Variants in USP39 observed in about 807,000 individuals in gnomAD.
USP39 encodes the protein ubiquitin carboxyl-terminal hydrolase 39.
USP39 carries 38 observed loss-of-function variants against 66.4 expected under a neutral mutation model. The observed-to-expected ratio is 0.57, with a 90% CI of 0.44 to 0.75. The LOEUF (loss-of-function observed/expected upper bound fraction) is 0.75, where lower values mean the gene tolerates loss of function less well. Ranked by LOEUF, USP39 falls within the 30% of genes least tolerant of loss-of-function variation. The probability of loss-of-function intolerance (pLI) is 0.00; values close to 1 mark genes in which losing one functional copy is unlikely to be tolerated. For missense variants in USP39, 608 were observed against 714.4 expected (o/e 0.85, Z 1.70); for synonymous variants, 303 against 274.6 (o/e 1.10, Z -1.02).
upstream of USP39, chr2:85,616,119 C>T (rs943948177): frequency 1.6e-5 from 22 of 1,385,618 alleles, no homozygotes; most frequent in Admixed American, 3.3e-5. Context: ...CGCTACCAGC[C>T]CCTCTCCTGA....
At position 85,628,044 on chromosome 2, in the gene USP39, G is replaced by T. The variant is rs111881526; in HGVS notation, c.723+2353G>T. Among the ~76,000 whole-genome samples, 496 of 152,180 alleles carry T rather than the reference G, an allele frequency of 3.3e-3. 4 individuals are homozygous for T. The highest frequency in any genetic ancestry group is 0.012 in the African/African-American group (490 of 41,506). The stretch of plus-strand genomic sequence containing the variant: ...TGTAAAGGCATATTTTTTACATTCA[G>T]TGTCTGCTCTTGGTGTCATGCCTAG... On this transcript the variant is annotated intron_variant, in intron 5 of 12. Transcript: ENST00000323701.
chr2:85,634,127 A>G (rs1034175586), intron 6 of USP39, among the ~76,000 whole-genome samples: 1 of 149,102 alleles, frequency 6.7e-6, no homozygotes, highest in Non-Finnish European at 1.5e-5. Context: ...GTGAGCCACC[A>G]CGCCCGGCCG....
chr2:85,642,274 A>G (rs998918137), intron 10 of USP39, among the ~76,000 whole-genome samples: 1 of 152,228 alleles, frequency 6.6e-6, no homozygotes, highest in Admixed American at 6.5e-5. Context: ...GTTTGTGACT[A>G]GAATTAAATG....
intron 1 of USP39, among the ~76,000 whole-genome samples, chr2:85,604,510 C>T (rs1158727171): frequency 6.6e-6 from 1 of 152,186 alleles, no homozygotes; most frequent in African/African-American, 2.4e-5. Flanking sequence ...CCGTGCCCAG[C>T]GGGAGAGCCC....
intron 4 of USP39, among the ~76,000 whole-genome samples, chr2:85,624,995 A>G (rs571053758): frequency 6.6e-6 from 1 of 151,690 alleles, no homozygotes; most frequent in South Asian, 2.1e-4. Context: ...GTCAGTATTT[A>G]TAGAGGGAAA....
At chr2:85,638,494 G>A (rs1342693521) in intron 8 of USP39, among the ~76,000 whole-genome samples, 1 of 151,602 alleles carries the variant, frequency 6.6e-6, no homozygotes, top group Non-Finnish European at 1.5e-5. Context: ...CCACCACACC[G>A]GGCTAATTTT....
rs188132865 is a variant in USP39, at chr2:85,619,393, T to C, written c.338+104T>C. ...AACACATTGACAAACTTTACTTTTT[T>C]TGAACCTGTCTAGAGAGTTGTGCTT... On this transcript the variant is annotated intron_variant, in intron 2 of 12. Coordinates refer to ENST00000323701, the MANE Select transcript of USP39 (RefSeq NM_006590.4). 25 of 1,212,178 alleles carry C rather than the reference T, an allele frequency of 2.1e-5. No individual in the cohort carries two copies. In the African/African-American group the frequency reaches 3.8e-4, roughly 18 times the overall value. The allele number at this position is 1,212,178 out of a possible 1,614,324, so 75.1% of individuals were successfully genotyped here. A position where few individuals can be genotyped will look rare whatever the true frequency, so the allele number is the denominator to read the frequency against.
At chr2:85,610,366 C>T (rs1673432055), upstream of USP39, 1 of 152,208 alleles carries the variant, frequency 6.6e-6, no homozygotes, top group South Asian at 2.1e-4. Flanking sequence ...ACCTTTGCAT[C>T]CCTGCTCTGA....
At chr2:85,628,514 G>A (rs181439634) in intron 5 of USP39, among the ~76,000 whole-genome samples, 2 of 152,260 alleles carry the variant, frequency 1.3e-5, no homozygotes, top group East Asian at 3.9e-4. Flanking sequence ...TTGGCTTTCT[G>A]ATGAATTTTA....
chr2:85,604,132 T>C (rs1021344736), intron 1 of USP39, among the ~76,000 whole-genome samples: 6 of 152,126 alleles, frequency 3.9e-5, no homozygotes, highest in Admixed American at 6.5e-5. Context: ...TAGAGCAGAA[T>C]AAACTGCACA....
At chr2:85,617,610 G>A (rs1032745027) in intron 1 of USP39, among the ~76,000 whole-genome samples, 5 of 152,170 alleles carry the variant, frequency 3.3e-5, no homozygotes, top group African/African-American at 1.2e-4. Context: ...ATGAGGTAGA[G>A]TTCAAGACTA....
Position 85,623,641 on chromosome 2 carries a change from T to C in USP39, c.434-5T>C, listed in dbSNP as rs200563455. ...TCTATTACAGCTTTTCACCCTTCCC[T>C]ACAGGCCGGGGTTTGAAGTCTCACG... On this transcript the variant is annotated splice_region_variant and splice_polypyrimidine_tract_variant and intron_variant, in intron 3 of 12. Transcript: ENST00000323701. 84 of 1,611,534 alleles carry C rather than the reference T, an allele frequency of 5.2e-5. No individual in the cohort carries two copies. The African/African-American group carries it at 1.0e-3, about 20-fold the overall frequency.
At chr2:85,612,290 C>T, upstream of USP39, 1 of 1,534,860 alleles carries the variant, frequency 6.5e-7, no homozygotes, top group African/African-American at 1.4e-5. Flanking sequence ...ATACCAGAAC[C>T]TTCAGAAAAA....
At chr2:85,647,573 C>T (rs577952500) in intron 11 of USP39, among the ~76,000 whole-genome samples, 28 of 151,104 alleles carry the variant, frequency 1.9e-4, no homozygotes, top group South Asian at 1.3e-3. Flanking sequence ...AGGGGAGGAT[C>T]GCTTGAATCC....
At chr2:85,625,747 A>C in intron 5 of USP39, 56 bp downstream of exon 5, 5 of 1,587,054 alleles carry the variant, frequency 3.2e-6, no homozygotes, top group Non-Finnish European at 4.3e-6. Context: ...GGCTGAGCAC[A>C]GTGGCTCACC....
chr2:85,608,990 C>G (rs778006796), upstream of USP39: 1 of 1,614,260 alleles, frequency 6.2e-7, no homozygotes, highest in Non-Finnish European at 8.5e-7. Context: ...GGATACGCAA[C>G]TTGAGGGCTT....
At chr2:85,632,402 G>A (rs572015749) in intron 6 of USP39, among the ~76,000 whole-genome samples, 23 of 152,130 alleles carry the variant, frequency 1.5e-4, no homozygotes, top group South Asian at 8.3e-4. Context: ...GCTGGGGAAC[G>A]GAGGAAGACC....
chr2:85,648,615 C>G (rs981042931), intron 12 of USP39, 146 bp from the exon 13 acceptor site: 10 of 895,738 alleles, frequency 1.1e-5, no homozygotes, highest in Non-Finnish European at 1.8e-5. Flanking sequence ...GTGGCTGTAG[C>G]CACTGTAGCA....
chr2:85,611,150 G>A (rs1673493594), upstream of USP39: 1 of 664,484 alleles, frequency 1.5e-6, no homozygotes, highest in Non-Finnish European at 2.0e-6. Flanking sequence ...TAAGGCTGCA[G>A]TAAGCCCAGA....
Sources: allele counts gnomAD v4.1 joint callset (sites outside exome capture counted in the v4.1 genomes callset), GRCh38; gene constraint gnomAD v4.1.1; transcripts MANE v1.5; gene names NCBI Gene and HGNC (gene_info 2026-07-23, HGNC 2026-07-21).